The following HAO1 variants were observed in gnomAD, a reference collection of about 807,000 sequenced individuals.
The protein encoded by HAO1 is 2-Hydroxyacid oxidase 1.
Under a neutral mutation model 39.7 loss-of-function variants are expected in HAO1, and 34 were observed. The observed-to-expected ratio is 0.86, with a 90% confidence interval of 0.65 to 1.14. The LOEUF is 1.14. HAO1 is among the 50% of genes most tolerant of loss of function. HAO1 has a pLI of 0.00. For missense variants in HAO1, 479 were observed against 464.5 expected (o/e 1.03, Z -0.29); for synonymous variants, 172 against 173.2 (o/e 0.99, Z 0.05).
chr20:7,921,508 A>T (rs990329188), intron 2 of HAO1, among the ~76,000 whole-genome samples: 4 of 152,100 alleles, frequency 2.6e-5, no homozygotes, highest in African/African-American at 9.7e-5. Context: ...GCTGTAGGGA[A>T]TGTAAATTAA....
chr20:7,885,342 G>A (rs1017375073), intron 7 of HAO1, 179 bp downstream of exon 7: 1 of 602,222 alleles, frequency 1.7e-6, no homozygotes, highest in African/African-American at 1.9e-5. Context: ...CAGAGGTTAA[G>A]TAATTACTAG....
intron 5 of HAO1, among the ~76,000 whole-genome samples, chr20:7,886,158 C>T (rs1243341279): frequency 6.6e-6 from 1 of 151,746 alleles, no homozygotes; most frequent in Non-Finnish European, 1.5e-5. Context: ...AAACATAAAA[C>T]ACTTGATCTT....
Position 7,914,256 on chromosome 20 carries a change from G to A in HAO1, c.453C>T (p.Gly151=), listed in dbSNP as rs766059022. The stretch of plus-strand genomic sequence containing the variant: ...CCACTGTCACAAATATGGCCTTGTA[G>A]CCCATCTTCTCTGCCTGCCGCACTA... ...KKLVRQAEKM[G]YKAIFVTVDT... The change falls in exon 3 of 8, where the codon GGC becomes GGT. Residue 151 remains glycine (G), a synonymous_variant. Transcript: ENST00000378789. 5 of 1,613,996 alleles carry A rather than the reference G, an allele frequency of 3.1e-6. No homozygotes were observed. Among genetic ancestry groups the A allele is most frequent in the Non-Finnish European group, 4.2e-6 (5 of 1,179,950 alleles).
At chr20:7,884,437 G>T (rs77201347) in intron 7 of HAO1, among the ~76,000 whole-genome samples, 2,252 of 152,240 alleles carry the variant, frequency 0.015, 60 homozygotes, top group African/African-American at 0.051. Context: ...AACTGGAAAA[G>T]AAAACTGGAG....
chr20:7,893,552 T>A (rs996069102), intron 5 of HAO1, among the ~76,000 whole-genome samples: 1 of 152,148 alleles, frequency 6.6e-6, no homozygotes, highest in Non-Finnish European at 1.5e-5. Context: ...ATGCTTGAGA[T>A]GTTTTGCAGA....
intron 2 of HAO1, among the ~76,000 whole-genome samples, chr20:7,933,308 A>C (rs544213804): frequency 6.6e-6 from 1 of 152,110 alleles, no homozygotes; most frequent in Non-Finnish European, 1.5e-5. Context: ...ATTGAGATTT[A>C]AGAGCACTAA....
At chr20:7,931,586 G>A (rs111710915) in intron 2 of HAO1, among the ~76,000 whole-genome samples, 1,990 of 152,118 alleles carry the variant, frequency 0.013, 38 homozygotes, top group African/African-American at 0.043. Flanking sequence ...TATAATACTC[G>A]TAATATACTT....
chr20:7,918,094 C>G (rs1052622481), intron 2 of HAO1, among the ~76,000 whole-genome samples: 6 of 152,144 alleles, frequency 3.9e-5, no homozygotes, highest in Non-Finnish European at 8.8e-5. Context: ...GAGAATGCTC[C>G]TGCATGTAGG....
chr20:7,909,101 G>GA (rs976523513), intron 3 of HAO1, among the ~76,000 whole-genome samples: 2 of 151,722 alleles, frequency 1.3e-5, no homozygotes, highest in African/African-American at 4.8e-5. Flanking sequence ...AAATGGATAG[G>GA]AAAAAACAGA....
At chr20:7,914,052 G>T in intron 3 of HAO1, 112 bp downstream of exon 3, 2 of 1,132,232 alleles carry the variant, frequency 1.8e-6, no homozygotes, top group Non-Finnish European at 2.6e-6. Flanking sequence ...GATGTGATTA[G>T]CTGAAGATTA....
At chr20:7,939,772 A>G (rs2050432260) in intron 1 of HAO1, among the ~76,000 whole-genome samples, 2 of 152,232 alleles carry the variant, frequency 1.3e-5, no homozygotes, top group African/African-American at 2.4e-5. Flanking sequence ...ATGAAACAGC[A>G]AAGTTGAAAG....
intron 5 of HAO1, among the ~76,000 whole-genome samples, chr20:7,886,182 G>T (rs1339257655): frequency 6.0e-5 from 9 of 150,348 alleles, no homozygotes; most frequent in South Asian, 4.2e-4. Flanking sequence ...TAACTTTTTT[G>T]TTTTTTTTTG....
intron 2 of HAO1, among the ~76,000 whole-genome samples, chr20:7,926,194 C>T (rs567707096): frequency 6.6e-6 from 1 of 152,214 alleles, no homozygotes; most frequent in South Asian, 2.1e-4. Context: ...CCATCACCAC[C>T]ATTACTGGCA....
chr20:7,906,158 C>G lies in HAO1; in HGVS notation c.717G>C (p.Leu239Phe). The change falls in exon 4 of 8, where the codon TTG becomes TTC. Residue 239 changes from leucine to phenylalanine, a missense_variant. Physicochemically the swap from Leu to Phe is conservative, Grantham distance 22. Coordinates refer to ENST00000378789, the MANE Select transcript of HAO1 (RefSeq NM_017545.3). Reference protein sequence around the residue: ...TSLPIVAKGILRGDDAREAVK... With the variant: ...TSLPIVAKGIFRGDDAREAVK... Reference sequence around the variant, plus strand: ...CAAGTAGAGAAATAAACGAACCTCTCAAAATGCCCTTTGCAACAATTGGCA... The same window carrying G: ...CAAGTAGAGAAATAAACGAACCTCTGAAAATGCCCTTTGCAACAATTGGCA... 6.2e-7 allele frequency: 1 copy of G among 1,609,800 alleles called. No individual in the cohort carries two copies. Among genetic ancestry groups the G allele is most frequent in the Non-Finnish European group, 8.5e-7 (1 of 1,176,178 alleles).
intron 2 of HAO1, among the ~76,000 whole-genome samples, chr20:7,930,606 A>G (rs866309088): frequency 3.3e-5 from 5 of 152,220 alleles, no homozygotes; most frequent in Admixed American, 2.0e-4. Flanking sequence ...AAGGAAGCCA[A>G]TAAAAGAGGG....
intron 5 of HAO1, among the ~76,000 whole-genome samples, chr20:7,891,625 G>A (rs2050174625): frequency 1.3e-5 from 2 of 152,080 alleles, no homozygotes; most frequent in Non-Finnish European, 2.9e-5. Flanking sequence ...CTAAACCAAT[G>A]TCTAAAAGGG....
intron 5 of HAO1, among the ~76,000 whole-genome samples, chr20:7,894,114 C>T (rs1052089396): frequency 6.6e-6 from 1 of 152,166 alleles, no homozygotes; most frequent in Non-Finnish European, 1.5e-5. Flanking sequence ...ATAAGGGAAC[C>T]ACTTGATAGC....
At chr20:7,895,350 G>A in intron 4 of HAO1, 126 bp from the exon 5 acceptor site, 2 of 648,656 alleles carry the variant, frequency 3.1e-6, no homozygotes, top group Non-Finnish European at 5.5e-6. Flanking sequence ...AATAATCTTA[G>A]CATAAAAGTA....
chr20:7,934,532 C>T lies in HAO1; in HGVS notation c.241G>A (p.Ala81Thr), dbSNP rs576167467. The T allele has an allele frequency of 9.9e-6, 16 of 1,613,638 alleles. No individual in the cohort carries two copies. The Admixed American group carries it at 1.8e-4, about 18-fold the overall frequency. ...VSMPICVGAT[A>T]MQRMAHVDGE... ...TCCACATGAGCCATGCGCTGCATGG[C>T]CGTAGCCCCCACACATATTGGCATG... Residue 81 changes from alanine (A) to threonine (T), a missense_variant, in exon 2 of 8, where the codon GCC (alanine) becomes ACC (threonine). By Grantham distance (58) the Ala-to-Thr change is moderately conservative (BLOSUM62 0). Coordinates refer to ENST00000378789, the MANE Select transcript of HAO1 (RefSeq NM_017545.3).
Sources: allele counts gnomAD v4.1 joint callset (sites outside exome capture counted in the v4.1 genomes callset), GRCh38; gene constraint gnomAD v4.1.1; transcripts MANE v1.5; gene names NCBI Gene and HGNC (gene_info 2026-07-23, HGNC 2026-07-21).